Variants in PIP5K1B observed in about 807,000 individuals in gnomAD.
PIP5K1B encodes the protein phosphatidylinositol 4-phosphate 5-kinase type-1 beta.
A neutral mutation model predicts 67.0 loss-of-function variants in PIP5K1B; 42 were observed. The ratio of observed to expected loss-of-function variants is 0.63; its 90% CI spans 0.49 to 0.81. The LOEUF is 0.81. PIP5K1B is among the 30% of genes least tolerant of loss of function. The pLI is 0.00. For missense variants in PIP5K1B, 459 were observed against 646.3 expected (o/e 0.71, Z 3.14); for synonymous variants, 214 against 231.4 (o/e 0.92, Z 0.68).
intron 3 of PIP5K1B, among the ~76,000 whole-genome samples, chr9:68,819,769 G>A (rs967697177): frequency 2.8e-4 from 42 of 152,132 alleles, no homozygotes; most frequent in African/African-American, 8.7e-4. Flanking sequence ...TGGCCTCTCC[G>A]ACTCCAATGC....
At position 68,822,655 on chromosome 9, in the gene PIP5K1B, A is replaced by G. The variant is rs149605332; in HGVS notation, c.41A>G (p.Lys14Arg). 2,120 of 1,613,464 alleles carry G rather than the reference A, an allele frequency of 1.3e-3. 35 individuals are homozygous for G. The East Asian group carries it at 0.033, about 25-fold the overall frequency. ...GAAAATGGAGAGGCAGCACCTGGAA[A>G]ACAAAATGAAGAAAAAACCTATAAA... ...AAENGEAAPG[K>R]QNEEKTYKKT... The change falls in exon 4 of 16, where the codon AAA (lysine) becomes AGA (arginine). Residue 14 changes from lysine (K) to arginine (R), a missense_variant. Lys to Arg is a conservative substitution (Grantham distance 26, BLOSUM62 2). Transcript: ENST00000265382.
Position 68,925,795 on chromosome 9 carries a change from A to ATTTTTTTTTTTTTTTTTTTTTTTTTTTT in PIP5K1B, c.1201+2429_1201+2430insTTTTTTTTTTTTTTTTTTTTTTTTTTTT, listed in dbSNP as rs71353094. On this transcript the variant is annotated intron_variant, in intron 12 of 15. Transcript: ENST00000265382. ...ACATGAATACCAGCTTGTGGTTCCA[A>ATTTTTTTTTTTTTTTTTTTTTTTTTTTT]TTTTTTTTTTTTTTTTTTTTGAGAC... Among the ~76,000 whole-genome samples, 52 of 73,272 alleles carry ATTTTTTTTTTTTTTTTTTTTTTTTTTTT rather than the reference A, an allele frequency of 7.1e-4. 12 individuals carry two copies. Among genetic ancestry groups the ATTTTTTTTTTTTTTTTTTTTTTTTTTTT allele is most frequent in the African/African-American group, 1.4e-3 (25 of 17,548 alleles). 48.1% of individuals were successfully genotyped at this position (73,272 alleles called of 152,430 possible).
At chr9:69,006,633 C>T (rs1368608026) in intron 15 of PIP5K1B, among the ~76,000 whole-genome samples, 1 of 152,164 alleles carries the variant, frequency 6.6e-6, no homozygotes, top group African/African-American at 2.4e-5. Flanking sequence ...AAGCCCAGGC[C>T]TTTAGCCATT....
At chr9:68,941,243 ATG>A (rs905057461) in intron 14 of PIP5K1B, 7 of 382,222 alleles carry the variant, frequency 1.8e-5, no homozygotes, top group African/African-American at 1.5e-4. Context: ...ACCTGTGAAT[ATG>A]TTACCTTATA....
At chr9:68,994,979 T>TA (rs142876737) in intron 15 of PIP5K1B, among the ~76,000 whole-genome samples, 23 of 145,890 alleles carry the variant, frequency 1.6e-4, no homozygotes, top group Admixed American at 2.0e-4. Flanking sequence ...CTACAAAAAT[T>TA]AAAAAAAAAA....
intron 2 of PIP5K1B, chr9:68,788,383 A>G (rs1278193073): frequency 2.3e-6 from 2 of 868,682 alleles, no homozygotes; most frequent in Non-Finnish European, 1.8e-6. Context: ...TTCTCCATAC[A>G]TATCCAGATG....
intron 2 of PIP5K1B, among the ~76,000 whole-genome samples, chr9:68,804,558 T>C (rs1174935920): frequency 6.6e-6 from 1 of 151,870 alleles, no homozygotes; most frequent in Non-Finnish European, 1.5e-5. Flanking sequence ...TTGGGCAAGT[T>C]ATTTATATAT....
chr9:68,885,713 A>G (rs1824433304), intron 6 of PIP5K1B, among the ~76,000 whole-genome samples: 1 of 152,186 alleles, frequency 6.6e-6, no homozygotes, highest in East Asian at 1.9e-4. Context: ...ATGGGGAATG[A>G]CAAACTGCCT....
chr9:68,935,083 T>C (rs1232618751), intron 13 of PIP5K1B, 38 bp downstream of exon 13: 14 of 1,560,510 alleles, frequency 9.0e-6, no homozygotes, highest in Non-Finnish European at 1.1e-5. Context: ...ACAAACGTTC[T>C]TGTGATTTAT....
At chr9:68,920,306 A>G (rs1367818476) in intron 11 of PIP5K1B, among the ~76,000 whole-genome samples, 1 of 147,568 alleles carries the variant, frequency 6.8e-6, no homozygotes, top group African/African-American at 2.5e-5. Flanking sequence ...AAACTTTTTA[A>G]TTGGTATGGA....
At chr9:68,948,727 A>AAG (rs397825843) in intron 14 of PIP5K1B, among the ~76,000 whole-genome samples, 2 of 150,446 alleles carry the variant, frequency 1.3e-5, no homozygotes, top group African/African-American at 4.9e-5. Flanking sequence ...AAAAAAAAAA[A>AAG]TAGAAGAAAA....
chr9:68,847,410 GTT>G (rs3221891), intron 4 of PIP5K1B, among the ~76,000 whole-genome samples: 20 of 78,588 alleles, frequency 2.5e-4, no homozygotes, highest in Admixed American at 2.1e-3. Context: ...AACAGCAGTG[GTT>G]TTGTGTGTGT....
At chr9:68,949,827 A>G (rs996218809) in intron 14 of PIP5K1B, among the ~76,000 whole-genome samples, 1 of 152,204 alleles carries the variant, frequency 6.6e-6, no homozygotes, top group African/African-American at 2.4e-5. Flanking sequence ...CGTGCAGAAA[A>G]CCGAAGTGAG....
chr9:68,990,549 A>G (rs2132951501), intron 14 of PIP5K1B, among the ~76,000 whole-genome samples: 1 of 150,966 alleles, frequency 6.6e-6, no homozygotes, highest in Non-Finnish European at 1.5e-5. Context: ...GAGCCCCTAG[A>G]TTCACATCCT....
At chr9:68,931,396 A>G (rs917425240) in intron 12 of PIP5K1B, among the ~76,000 whole-genome samples, 8 of 152,226 alleles carry the variant, frequency 5.3e-5, no homozygotes, top group African/African-American at 1.9e-4. Flanking sequence ...GATGATATAG[A>G]AAGCTTTTTA....
At chr9:68,752,877 A>C (rs191317972) in intron 2 of PIP5K1B, among the ~76,000 whole-genome samples, 25 of 152,324 alleles carry the variant, frequency 1.6e-4, no homozygotes, top group African/African-American at 4.1e-4. Context: ...ACAAAGATTT[A>C]ATCTCTGAGA....
At chr9:68,962,101 C>G (rs563311617) in intron 14 of PIP5K1B, among the ~76,000 whole-genome samples, 1 of 152,278 alleles carries the variant, frequency 6.6e-6, no homozygotes, top group African/African-American at 2.4e-5. Context: ...TGTGTTCACA[C>G]CATTTTTACC....
At chr9:68,844,611 GGGGGAGATCTAAT>G (rs1437026041) in intron 4 of PIP5K1B, among the ~76,000 whole-genome samples, 1 of 79,200 alleles carries the variant, frequency 1.3e-5, no homozygotes, top group East Asian at 2.7e-4. Flanking sequence ...GAGATCCAAT[GGGGGAGATCTAAT>G]GGGGGAGAGC....
intron 1 of PIP5K1B, among the ~76,000 whole-genome samples, chr9:68,741,172 G>A (rs984503178): frequency 1.3e-5 from 2 of 152,072 alleles, no homozygotes; most frequent in Admixed American, 6.5e-5. Flanking sequence ...ATATATCTAA[G>A]AATGCCTAAA....
Sources: allele counts gnomAD v4.1 joint callset (sites outside exome capture counted in the v4.1 genomes callset), GRCh38; gene constraint gnomAD v4.1.1; transcripts MANE v1.5; gene names NCBI Gene and HGNC (gene_info 2026-07-23, HGNC 2026-07-21).